Variants in FSTL5 observed in about 807,000 individuals in gnomAD.
FSTL5 encodes the protein follistatin-related protein 5.
A neutral mutation model predicts 89.1 loss-of-function variants in FSTL5; 62 were observed. That is an observed-to-expected ratio of 0.70 (90% CI 0.57 to 0.86). The LOEUF (loss-of-function observed/expected upper bound fraction) is 0.86, where lower values mean the gene tolerates loss of function less well. Among genes scored for constraint, FSTL5 ranks in the 40% least tolerant of loss-of-function variants. FSTL5 has a pLI of 0.00. For synonymous variants in FSTL5, 383 were observed against 346.2 expected, an observed-to-expected ratio of 1.11 and a Z score of -1.18; for missense variants, 1,057 against 1,001.6, an observed-to-expected ratio of 1.06 and a Z score of -0.75.
intron 2 of FSTL5, among the ~76,000 whole-genome samples, chr4:162,094,401 T>C: frequency 6.6e-6 from 1 of 151,874 alleles, no homozygotes; most frequent in Non-Finnish European, 1.5e-5. Context: ...GAGAAATGAG[T>C]ATATAATACC....
At chr4:161,463,161 A>C (rs1043157322) in intron 13 of FSTL5, among the ~76,000 whole-genome samples, 1 of 152,138 alleles carries the variant, frequency 6.6e-6, no homozygotes, top group Non-Finnish European at 1.5e-5. Flanking sequence ...TGGAGGAAAA[A>C]AATATCAGCC....
intron 4 of FSTL5, among the ~76,000 whole-genome samples, chr4:161,902,733 C>A (rs1733405766): frequency 6.6e-6 from 1 of 151,970 alleles, no homozygotes; most frequent in African/African-American, 2.4e-5. Flanking sequence ...CCTGTAATCC[C>A]AGCTACTCGG....
At chr4:161,836,303 G>A (rs1011276517) in intron 4 of FSTL5, among the ~76,000 whole-genome samples, 1 of 125,006 alleles carries the variant, frequency 8.0e-6, no homozygotes, top group African/African-American at 3.0e-5. Context: ...AGGGACTGTT[G>A]TGGGGTGGGG....
chr4:162,081,174 C>T (rs921474194), intron 2 of FSTL5, among the ~76,000 whole-genome samples: 5 of 151,478 alleles, frequency 3.3e-5, no homozygotes, highest in South Asian at 2.1e-4. Context: ...ACCAATCTCT[C>T]GAATACTAGC....
chr4:161,828,682 T>C (rs1477468942), intron 4 of FSTL5, among the ~76,000 whole-genome samples: 2 of 149,558 alleles, frequency 1.3e-5, no homozygotes, highest in East Asian at 3.8e-4. Context: ...TTGAGTCATA[T>C]ATCATTAACT....
chr4:161,630,511 A>G (rs1296326164), intron 7 of FSTL5, among the ~76,000 whole-genome samples: 1 of 152,178 alleles, frequency 6.6e-6, no homozygotes, highest in African/African-American at 2.4e-5. Flanking sequence ...ATATATGTGG[A>G]TTTCCTAAGA....
At chr4:161,723,851 G>C (rs373836158) in intron 6 of FSTL5, among the ~76,000 whole-genome samples, 1 of 152,068 alleles carries the variant, frequency 6.6e-6, no homozygotes, top group South Asian at 2.1e-4. Context: ...AGTGGGAAAA[G>C]ATACCCAAGA....
At chr4:162,128,994 G>A (rs541048135) in intron 1 of FSTL5, among the ~76,000 whole-genome samples, 9 of 150,092 alleles carry the variant, frequency 6.0e-5, no homozygotes, top group South Asian at 2.1e-4. Flanking sequence ...CCATCTGGGC[G>A]GCTCGCTGCA....
In FSTL5 at chr4:162,069,555, G is replaced by A. The variant is rs758212991; in HGVS notation, c.127-35897C>T. Among the ~76,000 whole-genome samples the A allele has an allele frequency of 2.6e-5, 4 of 151,856 alleles. No individual in the cohort carries two copies. In the East Asian group the frequency reaches 7.8e-4, roughly 30 times the overall value. The stretch of plus-strand genomic sequence containing the variant: ...TCCTTATCCACCCCTTCCCCTGACC[G>A]TTTCCAGCCTCTAATAACCACAATT... On this transcript the variant is annotated intron_variant, in intron 2 of 15. Transcript: ENST00000306100.
intron 2 of FSTL5, among the ~76,000 whole-genome samples, chr4:162,084,244 C>A (rs924269776): frequency 5.9e-5 from 9 of 151,842 alleles, no homozygotes; most frequent in African/African-American, 2.2e-4. Context: ...TGGTCAACGT[C>A]TATACAATAC....
At chr4:161,581,594 T>A (rs780688221) in intron 8 of FSTL5, among the ~76,000 whole-genome samples, 4 of 152,180 alleles carry the variant, frequency 2.6e-5, no homozygotes, top group African/African-American at 2.4e-5. Flanking sequence ...AAATAATAGC[T>A]CTGTCAGTAA....
chr4:161,674,545 C>CT (rs1737232976), intron 6 of FSTL5, among the ~76,000 whole-genome samples: 3 of 152,260 alleles, frequency 2.0e-5, no homozygotes, highest in Admixed American at 2.0e-4. Context: ...CTCCAAGACT[C>CT]AACAGTCAGA....
intron 4 of FSTL5, among the ~76,000 whole-genome samples, chr4:161,851,577 A>C (rs1005406243): frequency 6.6e-6 from 1 of 152,142 alleles, no homozygotes; most frequent in Non-Finnish European, 1.5e-5. Flanking sequence ...TATATGCATG[A>C]AATATGTGTA....
At chr4:161,451,922 T>C (rs1388166630) in intron 15 of FSTL5, among the ~76,000 whole-genome samples, 1 of 152,210 alleles carries the variant, frequency 6.6e-6, no homozygotes, top group African/African-American at 2.4e-5. Flanking sequence ...CTGACACGTG[T>C]CAAGAAGCTT....
At chr4:161,643,909 C>T (rs1736050531) in intron 7 of FSTL5, among the ~76,000 whole-genome samples, 2 of 152,044 alleles carry the variant, frequency 1.3e-5, no homozygotes, top group African/African-American at 4.8e-5. Context: ...TAAGAACCAC[C>T]ATTACGTGAC....
At position 162,066,204 on chromosome 4, in the gene FSTL5, TG is replaced by T. The variant is rs779420437; in HGVS notation, c.127-32547del. Among the ~76,000 whole-genome samples the T allele has an allele frequency of 2.5e-3, 386 of 152,172 alleles. 1 individual carries two copies. The highest frequency in any genetic ancestry group is 3.2e-3 in the Non-Finnish European group (215 of 67,984). ...TGAATTTATTGAATATATTTTTGTA[TG>T]CTTGTTTGTCATCTGTTTACTTTCT... On this transcript the variant is annotated intron_variant, in intron 2 of 15. Transcript: ENST00000306100.
At chr4:161,815,485 T>G (rs927322569) in intron 4 of FSTL5, among the ~76,000 whole-genome samples, 2 of 152,078 alleles carry the variant, frequency 1.3e-5, no homozygotes, top group African/African-American at 4.8e-5. Flanking sequence ...AGCAAAATAT[T>G]TGTCTAGAAT....
chr4:161,956,295 G>C (rs1218266980), intron 3 of FSTL5, among the ~76,000 whole-genome samples: 1 of 151,472 alleles, frequency 6.6e-6, no homozygotes, highest in Non-Finnish European at 1.5e-5. Flanking sequence ...GCCCAATTAA[G>C]AATAAGAATA....
At chr4:161,725,540 A>G (rs1425057079) in intron 6 of FSTL5, among the ~76,000 whole-genome samples, 1 of 151,594 alleles carries the variant, frequency 6.6e-6, no homozygotes, top group East Asian at 1.9e-4. Flanking sequence ...ACTATATATA[A>G]TTAACATAAA....
Sources: allele counts gnomAD v4.1 joint callset (sites outside exome capture counted in the v4.1 genomes callset), GRCh38; gene constraint gnomAD v4.1.1; transcripts MANE v1.5; gene names NCBI Gene and HGNC (gene_info 2026-07-23, HGNC 2026-07-21).